BNC2: variants seen among roughly 807,000 people sequenced by gnomAD.
BNC2 encodes basonuclin zinc finger protein 2.
Under a neutral mutation model 76.3 loss-of-function variants are expected in BNC2, and 20 were observed. That is an observed-to-expected ratio of 0.26 (90% CI 0.18 to 0.38). The LOEUF (loss-of-function observed/expected upper bound fraction) is 0.38, where lower values mean the gene tolerates loss of function less well. Ranked by LOEUF, BNC2 falls within the 10% of genes least tolerant of loss-of-function variation. The pLI is 1.00. For missense variants in BNC2, 1,382 were observed against 1,399.8 expected (o/e 0.99, Z 0.20); for synonymous variants, 582 against 514.8 (o/e 1.13, Z -1.77).
chr9:16,488,513 T>C lies in BNC2; in HGVS notation c.670-50989A>G, dbSNP rs138513353. Among the ~76,000 whole-genome samples, 492 of 152,344 alleles carry C rather than the reference T, an allele frequency of 3.2e-3. 3 individuals carry two copies. The highest frequency in any genetic ancestry group is 6.2e-3 in the South Asian group (30 of 4,830). ...ATAAACACTACTGAGTAAAATGTTT[T>C]AGTGGGAAACAAATTTTTTTCTAAT... is the stretch of plus-strand genomic sequence containing the variant. On this transcript the variant is annotated intron_variant, in intron 5 of 6. Transcript: ENST00000380672.
chr9:16,497,375 T>C (rs1822412059), intron 5 of BNC2, among the ~76,000 whole-genome samples: 2 of 152,238 alleles, frequency 1.3e-5, no homozygotes, highest in African/African-American at 4.8e-5. Flanking sequence ...GTTTTAATAA[T>C]GTTAATCCAA....
chr9:16,760,202 C>T (rs1586861589), intron 1 of BNC2, among the ~76,000 whole-genome samples: 1 of 152,202 alleles, frequency 6.6e-6, no homozygotes, highest in Non-Finnish European at 1.5e-5. Context: ...CCAAAAAAGA[C>T]AAATTCAATG....
intron 3 of BNC2, among the ~76,000 whole-genome samples, chr9:16,594,294 C>T (rs368241372): frequency 6.6e-6 from 1 of 152,098 alleles, no homozygotes; most frequent in Non-Finnish European, 1.5e-5. Flanking sequence ...AGAAGTAACA[C>T]AAAAGTTGTC....
rs77044020 is a variant in BNC2 at position 16,507,176 on chromosome 9, A to G, written c.669+45354T>C. Among the ~76,000 whole-genome samples, 420 of 151,628 alleles carry G rather than the reference A, an allele frequency of 2.8e-3. 2 individuals are homozygous for G. Among genetic ancestry groups the G allele is most frequent in the African/African-American group, 9.7e-3 (401 of 41,346 alleles). On this transcript the variant is annotated intron_variant, in intron 5 of 6. Coordinates refer to ENST00000380672, the MANE Select transcript of BNC2 (RefSeq NM_017637.6). Reference sequence around the variant, plus strand: ...TTGTACATAGTATTTTCTACCAAACAGTGCAGTTATTAATAGAGAAATCTC... The same window carrying G: ...TTGTACATAGTATTTTCTACCAAACGGTGCAGTTATTAATAGAGAAATCTC...
intron 1 of BNC2, among the ~76,000 whole-genome samples, chr9:16,856,549 C>G (rs369673084): frequency 5.3e-5 from 8 of 152,282 alleles, no homozygotes; most frequent in African/African-American, 1.7e-4. Flanking sequence ...GTTGGGACTA[C>G]AGGCATGCAC....
rs116348538 is a variant in BNC2 at position 16,493,542 on chromosome 9, T to C, written c.670-56018A>G. Among the ~76,000 whole-genome samples, 216 of 152,316 alleles carry C rather than the reference T, an allele frequency of 1.4e-3. 1 individual carries two copies. The highest frequency in any genetic ancestry group is 4.8e-3 in the African/African-American group (200 of 41,572). On this transcript the variant is annotated intron_variant, in intron 5 of 6. Coordinates refer to ENST00000380672, the MANE Select transcript of BNC2 (RefSeq NM_017637.6). Reference sequence around the variant, plus strand: ...AAATCCTGAAATAATCTTCCAGTTCTATGCTGGCCTCTGTCCCTCCTTTCT... The same window carrying C: ...AAATCCTGAAATAATCTTCCAGTTCCATGCTGGCCTCTGTCCCTCCTTTCT...
chr9:16,585,562 A>G (rs1819744744), intron 3 of BNC2, among the ~76,000 whole-genome samples: 1 of 152,200 alleles, frequency 6.6e-6, no homozygotes, highest in Non-Finnish European at 1.5e-5. Flanking sequence ...GTCTAAATAA[A>G]TATTTTGAGT....
At chr9:16,612,028 GT>G (rs138995709) in intron 3 of BNC2, among the ~76,000 whole-genome samples, 9,634 of 147,060 alleles carry the variant, frequency 0.066, 622 homozygotes, top group African/African-American at 0.17. Context: ...TTTGTAAGAG[GT>G]AGAAGAGAGA....
At chr9:16,721,876 T>C (rs1463199284) in intron 3 of BNC2, among the ~76,000 whole-genome samples, 2 of 152,074 alleles carry the variant, frequency 1.3e-5, no homozygotes, top group African/African-American at 4.8e-5. Flanking sequence ...AGACACAAGC[T>C]AAAAACAAAT....
intron 1 of BNC2, among the ~76,000 whole-genome samples, chr9:16,767,444 A>G (rs1204921285): frequency 6.6e-6 from 1 of 152,188 alleles, no homozygotes; most frequent in African/African-American, 2.4e-5. Flanking sequence ...GAAAACTCAA[A>G]TCAGGCTAGT....
At chr9:16,528,323 T>C (rs928409161) in intron 5 of BNC2, among the ~76,000 whole-genome samples, 7 of 152,212 alleles carry the variant, frequency 4.6e-5, no homozygotes, top group Non-Finnish European at 1.0e-4. Context: ...ACAATAGGTA[T>C]GTCACAGAAA....
chr9:16,458,354 T>C (rs1821500150), intron 5 of BNC2, among the ~76,000 whole-genome samples: 1 of 152,196 alleles, frequency 6.6e-6, no homozygotes, highest in Admixed American at 6.5e-5. Context: ...GCAGCTTTTG[T>C]GGTCCTTTTC....
intron 1 of BNC2, among the ~76,000 whole-genome samples, chr9:16,789,433 A>G (rs1232950793): frequency 6.6e-6 from 1 of 152,196 alleles, no homozygotes; most frequent in Non-Finnish European, 1.5e-5. Context: ...TACAAGTTCC[A>G]TGGCGTTCCT....
intron 1 of BNC2, among the ~76,000 whole-genome samples, chr9:16,792,831 C>G (rs1817549868): frequency 6.6e-6 from 1 of 152,192 alleles, no homozygotes; most frequent in Non-Finnish European, 1.5e-5. Context: ...TTGCTGAGGT[C>G]TGATTTCACA....
intron 5 of BNC2, among the ~76,000 whole-genome samples, chr9:16,523,619 T>C (rs2132108877): frequency 1.3e-5 from 2 of 151,222 alleles, no homozygotes; most frequent in Non-Finnish European, 3.0e-5. Context: ...GGAAAAAGAA[T>C]ACAAAAAAAG....
At chr9:16,811,235 A>AG (rs1297377599) in intron 1 of BNC2, among the ~76,000 whole-genome samples, 4 of 148,040 alleles carry the variant, frequency 2.7e-5, no homozygotes, top group Non-Finnish European at 6.0e-5. Flanking sequence ...AAGACCAAAA[A>AG]AAAAAAAAAC....
chr9:16,866,823 G>A (rs1427972390), intron 1 of BNC2, among the ~76,000 whole-genome samples: 3 of 152,008 alleles, frequency 2.0e-5, no homozygotes, highest in African/African-American at 2.4e-5. Context: ...TAGCTCTTCA[G>A]AGGGGATTTT....
intron 1 of BNC2, among the ~76,000 whole-genome samples, chr9:16,748,922 CTATATATATATA>C (rs34314862): frequency 6.9e-5 from 9 of 130,572 alleles, no homozygotes; most frequent in East Asian, 2.1e-4. Flanking sequence ...ACTTTTTATA[CTATATATATATA>C]TATATATATA....
chr9:16,626,462 T>G (rs1324664264), intron 3 of BNC2: 1 of 152,160 alleles, frequency 6.6e-6, no homozygotes, highest in Non-Finnish European at 1.5e-5. Flanking sequence ...AGAGCAAAAC[T>G]TTCATCTCTC....
Sources: gnomAD v4.1 joint callset for allele counts (sites outside exome capture counted in the v4.1 genomes callset) on GRCh38, gnomAD v4.1.1 for gene constraint, MANE v1.5 for transcripts, NCBI Gene and HGNC (gene_info 2026-07-23, HGNC 2026-07-21) for gene names.